TACC1: variants seen among roughly 807,000 people sequenced by gnomAD.
TACC1 encodes the protein transforming acidic coiled-coil-containing protein 1.
TACC1 carries 48 observed loss-of-function variants against 84.4 expected under a neutral mutation model. That is an observed-to-expected ratio of 0.57 (90% CI 0.45 to 0.72). The LOEUF (loss-of-function observed/expected upper bound fraction) is 0.72, where lower values mean the gene tolerates loss of function less well. Among genes scored for constraint, TACC1 ranks in the 30% least tolerant of loss-of-function variants. TACC1 has a pLI of 0.00. For synonymous variants in TACC1, 372 were observed against 376.3 expected (o/e 0.99, Z 0.13); for missense variants, 920 against 973.0 (o/e 0.95, Z 0.72).
At chr8:38,745,186 A>G (rs1406066283) in exon 3 of TACC1, 1 of 325,366 alleles carries the variant, frequency 3.1e-6, no homozygotes, top group East Asian at 5.0e-5. Flanking sequence ...TGACCCACAT[A>G]CACACAAAAT....
chr8:38,801,757 G>A (rs1473465005), intron 2 of TACC1, among the ~76,000 whole-genome samples: 2 of 152,180 alleles, frequency 1.3e-5, no homozygotes, highest in Non-Finnish European at 2.9e-5. Flanking sequence ...TTGCAAAGAA[G>A]GCAGCTGGGA....
chr8:38,800,237 T>C (rs1046882377), intron 2 of TACC1, among the ~76,000 whole-genome samples: 2 of 152,240 alleles, frequency 1.3e-5, no homozygotes, highest in African/African-American at 4.8e-5. Context: ...TCCATGTTCT[T>C]TTTTAAAAAT....
At chr8:38,846,544 A>T in intron 11 of TACC1, 155 bp from the exon 12 acceptor site, 1 of 766,998 alleles carries the variant, frequency 1.3e-6, no homozygotes, top group Non-Finnish European at 2.0e-6. Context: ...AAATGGAATT[A>T]TTTAGGTCAC....
At chr8:38,729,625 T>G (rs914769419) in intron 1 of TACC1, among the ~76,000 whole-genome samples, 1 of 152,166 alleles carries the variant, frequency 6.6e-6, no homozygotes, top group African/African-American at 2.4e-5. Context: ...TCCCAGCACT[T>G]TGGAAGGCCG....
upstream of TACC1, among the ~76,000 whole-genome samples, chr8:38,786,122 A>G (rs6981210): frequency 0.012 from 1,852 of 152,280 alleles, 40 homozygotes; most frequent in African/African-American, 0.042. Flanking sequence ...CAGGCACCTC[A>G]TGGATGCACC....
chr8:38,745,521 T>C, intron 3 of TACC1: 1 of 684,306 alleles, frequency 1.5e-6, no homozygotes. Flanking sequence ...TGTTTTCTTG[T>C]TTTTTTTCTG....
rs530822915 is a variant in TACC1 at position 38,772,553 on chromosome 8, G to GTGGGT, written c.27-16149_27-16145dup. ...ATGCAGTGAAGAGAAGGAGGCACAT[G>GTGGGT]TGGGTTCTGCAGAGAGGCAGATCCC... is the stretch of plus-strand genomic sequence containing the variant. On this transcript the variant is annotated intron_variant, in intron 3 of 14. Transcript: ENST00000518415. 1.6e-4 allele frequency among the ~76,000 whole-genome samples: 24 copies of GTGGGT among 152,328 alleles called. No individual in the cohort carries two copies. The East Asian group carries it at 4.4e-3, about 28-fold the overall frequency.
chr8:38,820,663 T>C lies in TACC1; in HGVS notation c.1391+28T>C, dbSNP rs969617315. On this transcript the variant is annotated intron_variant, in intron 3 of 12. Transcript: ENST00000317827. ...GAGTGACAGTGGGCGCTGGGTGTCG[T>C]GCTCTGTGTCTTGTCTGTTGAGTTT... 7 of 1,580,946 alleles carry C rather than the reference T, an allele frequency of 4.4e-6. No homozygotes were observed. In the African/African-American group the frequency reaches 9.4e-5, roughly 21 times the overall value.
intron 2 of TACC1, among the ~76,000 whole-genome samples, chr8:38,791,602 A>T (rs1334872563): frequency 6.6e-6 from 1 of 152,214 alleles, no homozygotes; most frequent in Non-Finnish European, 1.5e-5. Context: ...GAGTCATTTC[A>T]TATTGAAGTT....
intron 3 of TACC1, among the ~76,000 whole-genome samples, chr8:38,777,609 C>T (rs767848788): frequency 9.2e-5 from 14 of 152,236 alleles, no homozygotes; most frequent in Non-Finnish European, 1.5e-4. Flanking sequence ...CAGCAAGACC[C>T]TGTTTCTACA....
intron 3 of TACC1, among the ~76,000 whole-genome samples, chr8:38,756,695 G>A (rs985085793): frequency 2.0e-5 from 3 of 152,228 alleles, no homozygotes; most frequent in Non-Finnish European, 4.4e-5. Context: ...CTCAGAGAGG[G>A]TGAAATAACT....
intron 3 of TACC1, among the ~76,000 whole-genome samples, chr8:38,776,131 CAAAGA>C (rs1814747923): frequency 6.6e-6 from 1 of 152,142 alleles, no homozygotes; most frequent in African/African-American, 2.4e-5. Flanking sequence ...GAAATCTCCC[CAAAGA>C]AAATAATAAC....
At chr8:38,772,025 AAGAGAGAGAGAGAG>A (rs35335324) in intron 3 of TACC1, among the ~76,000 whole-genome samples, 2 of 148,502 alleles carry the variant, frequency 1.3e-5, no homozygotes, top group African/African-American at 2.5e-5. Flanking sequence ...AAGAAAGAAA[AAGAGAGAGAGAGAG>A]AGAGAGAGAG....
At chr8:38,843,816 C>G (rs1033949886) in intron 11 of TACC1, among the ~76,000 whole-genome samples, 8 of 152,288 alleles carry the variant, frequency 5.3e-5, no homozygotes, top group Admixed American at 5.2e-4. Context: ...TAACAATCCC[C>G]TCCTGTTAGA....
At chr8:38,839,240 C>T (rs528441054) in intron 8 of TACC1, 1 of 385,368 alleles carries the variant, frequency 2.6e-6, no homozygotes, top group South Asian at 1.3e-4. Flanking sequence ...ATTACATAAC[C>T]ACCAAATAGA....
intron 3 of TACC1, among the ~76,000 whole-genome samples, chr8:38,781,177 A>G (rs1815876371): frequency 6.6e-6 from 1 of 152,168 alleles, no homozygotes; most frequent in South Asian, 2.1e-4. Flanking sequence ...CTTAGTGACA[A>G]GAAGACGTAT....
At chr8:38,763,487 C>T (rs573646706) in intron 3 of TACC1, among the ~76,000 whole-genome samples, 1 of 152,214 alleles carries the variant, frequency 6.6e-6, no homozygotes, top group African/African-American at 2.4e-5. Context: ...CAAGACATCA[C>T]TTTGGAGATC....
chr8:38,792,975 A>C (rs1322647295), intron 2 of TACC1, among the ~76,000 whole-genome samples: 1 of 152,148 alleles, frequency 6.6e-6, no homozygotes, highest in East Asian at 1.9e-4. Flanking sequence ...CAAAAACTGC[A>C]GTGGGTGCCC....
chr8:38,783,106 C>CTATCTATCTATCTA (rs1393110234), upstream of TACC1, among the ~76,000 whole-genome samples: 1 of 87,426 alleles, frequency 1.1e-5, no homozygotes, highest in Non-Finnish European at 2.6e-5. Flanking sequence ...ATCTATCTAT[C>CTATCTATCTATCTA]TATATATATA....
Sources: gnomAD v4.1 joint callset for allele counts (sites outside exome capture counted in the v4.1 genomes callset) on GRCh38, gnomAD v4.1.1 for gene constraint, MANE v1.5 for transcripts, NCBI Gene and HGNC (gene_info 2026-07-23, HGNC 2026-07-21) for gene names.